TARBP2: variants seen among roughly 807,000 people sequenced by gnomAD.
TARBP2 encodes the protein TARBP2 subunit of RISC loading complex, also known as RISC-loading complex subunit TARBP2.
A neutral mutation model predicts 40.4 loss-of-function variants in TARBP2; 23 were observed. The ratio of observed to expected loss-of-function variants is 0.57; its 90% CI spans 0.41 to 0.81. The LOEUF is 0.81. Ranked by LOEUF, TARBP2 falls within the 30% of genes least tolerant of loss-of-function variation. The pLI is 0.00. For missense variants in TARBP2, 358 were observed against 473.7 expected (o/e 0.76, Z 2.27); for synonymous variants, 183 against 190.5 (o/e 0.96, Z 0.32).
Position 53,504,401 on chromosome 12 carries a change from C to G in TARBP2, c.427C>G (p.Pro143Ala), listed in dbSNP as rs767214517. 1.3e-6 allele frequency: 2 copies of G among 1,554,756 alleles called. No homozygotes were observed. Among genetic ancestry groups the G allele is most frequent in the Admixed American group, 2.1e-5 (1 of 47,810 alleles). The stretch of plus-strand genomic sequence containing the variant: ...GCCCTGTGCCTTTTCCTTCAGGAGC[C>G]CCCCCATGGAACTGCAGCCCCCTGT... ...PVPSVVLTRS[P>A]PMELQPPVSP... Residue 143 changes from proline to alanine, a missense_variant, in exon 5 of 9, where the codon CCC becomes GCC. Around this residue, in one of 3 missense-constraint regions of TARBP2, gnomAD observed 317 missense variants for 422.9 expected, o/e 0.75. Coordinates refer to ENST00000266987, the MANE Select transcript of TARBP2 (RefSeq NM_134323.2).
upstream of TARBP2, chr12:53,500,924 T>G (rs1457893755): frequency 6.2e-6 from 1 of 160,814 alleles, no homozygotes; most frequent in Non-Finnish European, 1.4e-5. Flanking sequence ...TGACCCTGCC[T>G]CTCCAGCTGC....
Position 53,505,638 on chromosome 12 carries a change from C to A in TARBP2, c.742-11C>A. The A allele has an allele frequency of 6.2e-7, 1 of 1,613,448 alleles. No individual in the cohort carries two copies. Among genetic ancestry groups the A allele is most frequent in the Non-Finnish European group, 8.5e-7 (1 of 1,179,416 alleles). On this transcript the variant is annotated splice_polypyrimidine_tract_variant and intron_variant, in intron 7 of 8. Transcript: ENST00000266987. The surrounding 1 kb of genome is among the most constrained non-coding windows in gnomAD (Gnocchi z 4.5). The stretch of plus-strand genomic sequence containing the variant: ...CTCGCTTCATCTTTCTCACTGTTCC[C>A]ATCTTGACAGGGTGTGGGCTCCCGC...
In TARBP2 at chr12:53,505,064, C is replaced by A; in HGVS notation, c.614-71C>A. 6.5e-7 allele frequency: 1 copy of A among 1,541,458 alleles called. No homozygotes were observed. On this transcript the variant is annotated intron_variant, in intron 6 of 8. Coordinates refer to ENST00000266987, the MANE Select transcript of TARBP2 (RefSeq NM_134323.2). This position sits in a 1 kb window ranked among gnomAD's most constrained non-coding sequence, Gnocchi z 4.5. The stretch of plus-strand genomic sequence containing the variant: ...TGACATTCTGGGGGGACCCTCAATC[C>A]AAGTATGACCTGGGTGGAAGCACTG...
intron 6 of TARBP2, 78 bp downstream of exon 6, chr12:53,504,893 C>T (rs752497518): frequency 6.5e-7 from 1 of 1,536,854 alleles, no homozygotes; most frequent in African/African-American, 1.4e-5. Context: ...CTCCTGGCCT[C>T]ACTCTGCTAC....
At chr12:53,503,442 C>T in intron 3 of TARBP2, 1 of 581,610 alleles carries the variant, frequency 1.7e-6, no homozygotes, top group Admixed American at 3.3e-5. Context: ...AGCAAGATGT[C>T]CTTCCTTCAC....
Position 53,505,564 on chromosome 12 carries a change from T to C in TARBP2, c.742-85T>C. 5.1e-6 allele frequency: 7 copies of C among 1,382,838 alleles called. No homozygotes were observed. The highest frequency in any genetic ancestry group is 6.1e-6 in the Non-Finnish European group (6 of 983,462). The allele number at this position is 1,382,838 out of a possible 1,614,324, so 85.7% of individuals were successfully genotyped here. A position where few individuals can be genotyped will look rare whatever the true frequency, so the allele number is the denominator to read the frequency against. On this transcript the variant is annotated intron_variant, in intron 7 of 8. Transcript: ENST00000266987. This position sits in a 1 kb window ranked among gnomAD's most constrained non-coding sequence, Gnocchi z 4.5. Reference sequence around the variant, plus strand: ...AAGCTGGAGGAAGCATTCTTTGTGCTTTGTTCTCCTTTGACGTTGAATGTC... The same window carrying C: ...AAGCTGGAGGAAGCATTCTTTGTGCCTTGTTCTCCTTTGACGTTGAATGTC...
chr12:53,503,185 C>T (rs967558136), intron 3 of TARBP2, 56 bp downstream of exon 3: 1 of 1,494,704 alleles, frequency 6.7e-7, no homozygotes, highest in Admixed American at 2.2e-5. Context: ...GGCCCTGCAC[C>T]ACCCACTCTG....
At position 53,505,121 on chromosome 12, in the gene TARBP2, C is replaced by T; in HGVS notation, c.614-14C>T. 5.0e-6 allele frequency: 8 copies of T among 1,594,462 alleles called. No individual in the cohort carries two copies. Among genetic ancestry groups the T allele is most frequent in the Non-Finnish European group, 6.9e-6 (8 of 1,165,390 alleles). ...TGGGGAATCATAACCCAGCAGCCCTCTCTCCACATGCAGGGAGTGGCACTT... is the reference window on the plus strand; with the variant it reads ...TGGGGAATCATAACCCAGCAGCCCTTTCTCCACATGCAGGGAGTGGCACTT... On this transcript the variant is annotated splice_polypyrimidine_tract_variant and intron_variant, in intron 6 of 8. Coordinates refer to ENST00000266987, the MANE Select transcript of TARBP2 (RefSeq NM_134323.2). This position sits in a 1 kb window ranked among gnomAD's most constrained non-coding sequence, Gnocchi z 4.5.
intron 1 of TARBP2, 46 bp from the exon 2 acceptor site, chr12:53,501,969 G>A (rs1943733432): frequency 6.2e-7 from 1 of 1,609,402 alleles, no homozygotes; most frequent in Non-Finnish European, 8.5e-7. Context: ...GGCTAGGTGG[G>A]TGCAGAGAGG....
chr12:53,502,854 T>G, intron 2 of TARBP2, 173 bp from the exon 3 acceptor site: 1 of 591,970 alleles, frequency 1.7e-6, no homozygotes, highest in Non-Finnish European at 2.8e-6. Flanking sequence ...AACGGAAAGA[T>G]AAGGGCTCTT....
rs748789245 is a variant in TARBP2, at chr12:53,505,943, A to G, written c.944-48A>G. The stretch of plus-strand genomic sequence containing the variant: ...TGATAACGTGAACGCACCCCTCCCC[A>G]GGGCTACCTCCCCCAACATTGCCTC... On this transcript the variant is annotated intron_variant, in intron 8 of 8. Transcript: ENST00000266987. The surrounding 1 kb of genome is among the most constrained non-coding windows in gnomAD (Gnocchi z 4.5). 4 of 1,605,188 alleles carry G rather than the reference A, an allele frequency of 2.5e-6. No homozygotes were observed. In the African/African-American group the frequency reaches 4.0e-5, roughly 16 times the overall value.
At chr12:53,503,602 C>G in intron 3 of TARBP2, 111 bp from the exon 4 acceptor site, 1 of 764,580 alleles carries the variant, frequency 1.3e-6, no homozygotes, top group Non-Finnish European at 2.2e-6. Flanking sequence ...TTCTTTGGCT[C>G]AATTTGGAAG....
intron 3 of TARBP2, 133 bp downstream of exon 3, chr12:53,503,262 C>A (rs563783564): frequency 1.4e-6 from 2 of 1,413,700 alleles, no homozygotes; most frequent in South Asian, 3.2e-5. Flanking sequence ...TCCCTCTGGA[C>A]CTGAACAGGG....
intron 2 of TARBP2, 160 bp downstream of exon 2, chr12:53,502,344 G>A: frequency 1.0e-6 from 1 of 979,706 alleles, no homozygotes; most frequent in Non-Finnish European, 1.5e-6. Flanking sequence ...GAACAGGGCT[G>A]TAAGAAGGTG....
At chr12:53,501,733 A>T (rs376098226) in intron 1 of TARBP2, 2 of 1,426,350 alleles carry the variant, frequency 1.4e-6, no homozygotes, top group East Asian at 2.5e-5. Context: ...CCTGGCTTGC[A>T]CTGTGTCAGG....
intron 1 of TARBP2, 65 bp downstream of exon 1, chr12:53,501,526 C>T: frequency 1.3e-6 from 2 of 1,547,622 alleles, no homozygotes; most frequent in South Asian, 1.2e-5. Context: ...GGAGTAGCGG[C>T]GCGGCCCCAG....
chr12:53,505,250 C>G lies in TARBP2; in HGVS notation c.729C>G (p.Asp243Glu). The change falls in exon 7 of 9, where the codon GAC (aspartate) becomes GAG (glutamate). Residue 243 changes from aspartate to glutamate, a missense_variant. By Grantham distance (45) the Asp-to-Glu change is conservative (BLOSUM62 2). Around this residue, in one of 3 missense-constraint regions of TARBP2, gnomAD observed 317 missense variants for 422.9 expected, o/e 0.75. Coordinates refer to ENST00000266987, the MANE Select transcript of TARBP2 (RefSeq NM_134323.2). This position sits in a 1 kb window ranked among gnomAD's most constrained non-coding sequence, Gnocchi z 4.5. ...GCAATGAGGTGGAGCCTGATGATGA[C>G]CACTTCTCCATTGTGAGTGGCTCAT... ...RDGNEVEPDD[D>E]HFSIGVGSRL... 1 of 1,598,856 alleles carries G rather than the reference C, an allele frequency of 6.3e-7. No individual in the cohort carries two copies.
chr12:53,506,222 A>G lies in TARBP2; in HGVS notation c.*74A>G. 6.5e-7 allele frequency: 1 copy of G among 1,539,354 alleles called. No homozygotes were observed. The highest frequency in any genetic ancestry group is 8.8e-7 in the Non-Finnish European group (1 of 1,139,600). ...TGCCTCTGGGCTCATGTATCTGCGC[A>G]GCTCTGGTACCCTCTGTGGGTGCCA... is the stretch of plus-strand genomic sequence containing the variant. On this transcript the variant is annotated 3_prime_UTR_variant, in exon 9 of 9. Coordinates refer to ENST00000266987, the MANE Select transcript of TARBP2 (RefSeq NM_134323.2).
At chr12:53,501,149 G>T, upstream of TARBP2, 1 of 548,968 alleles carries the variant, frequency 1.8e-6, no homozygotes, top group Non-Finnish European at 3.2e-6. Context: ...GAGAAGCGAC[G>T]GCGGAGGGCC....
Sources: allele counts gnomAD v4.1 joint callset, GRCh38; gene constraint gnomAD v4.1.1; regional missense constraint gnomAD v4.1.1; non-coding constraint Gnocchi (gnomAD v3.1); transcripts MANE v1.5; gene names NCBI Gene and HGNC (gene_info 2026-07-23, HGNC 2026-07-21).